The following ATG4C variants were observed in gnomAD, a reference collection of about 807,000 sequenced individuals.
ATG4C encodes the protein cysteine protease ATG4C.
In ATG4C, 56 loss-of-function variants were observed where a neutral mutation model predicts 57.6. That is an observed-to-expected ratio of 0.97 (90% CI 0.78 to 1.21). ATG4C has a LOEUF of 1.21. Ranked by LOEUF, ATG4C falls within the 50% of genes most tolerant of loss-of-function variation. The pLI is 0.00. For missense variants in ATG4C, 595 were observed against 529.8 expected (o/e 1.12, Z -1.21); for synonymous variants, 157 against 174.1 (o/e 0.90, Z 0.78).
intron 1 of ATG4C, among the ~76,000 whole-genome samples, chr1:62,785,751 A>G (rs190421296): frequency 3.4e-4 from 52 of 152,312 alleles, no homozygotes; most frequent in Non-Finnish European, 6.3e-4. Context: ...AGTAAAATAT[A>G]AATATTAATA....
Position 62,838,354 on chromosome 1 carries a change from A to G in ATG4C, c.1090-3074A>G, listed in dbSNP as rs575838933. On this transcript the variant is annotated intron_variant, in intron 9 of 10. Transcript: ENST00000317868. ...AAAAAAATCTTAAGTGCATAGCTCA[A>G]AAATTATCACGAAGTGAACATAGCC... is the stretch of plus-strand genomic sequence containing the variant. 2.6e-5 allele frequency among the ~76,000 whole-genome samples: 4 copies of G among 152,342 alleles called. No homozygotes were observed. In the South Asian group the frequency reaches 8.3e-4, roughly 32 times the overall value.
At chr1:62,822,446 G>A (rs1421747212) in intron 6 of ATG4C, among the ~76,000 whole-genome samples, 1 of 152,132 alleles carries the variant, frequency 6.6e-6, no homozygotes, top group Non-Finnish European at 1.5e-5. Context: ...GCCTAAGGAT[G>A]TACCTAAACA....
chr1:62,792,958 C>T (rs1664330299), intron 1 of ATG4C, among the ~76,000 whole-genome samples: 1 of 151,144 alleles, frequency 6.6e-6, no homozygotes, highest in Non-Finnish European at 1.5e-5. Context: ...GCGATGTCGG[C>T]TCACTGCAAG....
At chr1:62,793,035 T>A (rs374532940) in intron 1 of ATG4C, among the ~76,000 whole-genome samples, 2 of 151,350 alleles carry the variant, frequency 1.3e-5, no homozygotes, top group East Asian at 4.0e-4. Context: ...TACAGGCGCC[T>A]GCCACCACGC....
chr1:62,812,961 G>T (rs1020660323), intron 3 of ATG4C, among the ~76,000 whole-genome samples: 1 of 152,010 alleles, frequency 6.6e-6, no homozygotes, highest in Non-Finnish European at 1.5e-5. Context: ...GCTGCTCAAG[G>T]GAATAAAAGA....
intron 1 of ATG4C, among the ~76,000 whole-genome samples, chr1:62,800,441 G>A (rs1181352687): frequency 6.6e-6 from 1 of 152,002 alleles, no homozygotes; most frequent in East Asian, 1.9e-4. Context: ...CCCCTTCGCT[G>A]TCCCTGCGCT....
At chr1:62,834,206 C>A in intron 8 of ATG4C, 90 bp downstream of exon 8, 1 of 1,192,884 alleles carries the variant, frequency 8.4e-7, no homozygotes, top group Non-Finnish European at 1.2e-6. Flanking sequence ...GGATGATTAA[C>A]AGAGCAAAAC....
rs191497545 is a variant in ATG4C, at chr1:62,864,795, A to T, written c.*636A>T. On this transcript the variant is annotated 3_prime_UTR_variant, in exon 11 of 11. Transcript: ENST00000317868. ...ATATAAAGTATTGGTTTTCCCTCAC[A>T]AATTTAAAGATTATGTTATTAATAC... 2 of 152,088 alleles carry T rather than the reference A, an allele frequency of 1.3e-5. No homozygotes were observed. Among genetic ancestry groups the T allele is most frequent in the East Asian group, 3.9e-4 (2 of 5,192 alleles). 9.4% of individuals were successfully genotyped at this position (152,088 alleles called of 1,614,324 possible).
At chr1:62,809,107 A>T (rs947456784) in intron 3 of ATG4C, among the ~76,000 whole-genome samples, 1 of 151,648 alleles carries the variant, frequency 6.6e-6, no homozygotes, top group East Asian at 1.9e-4. Context: ...TTAATTTTTT[A>T]TTTTTATTTT....
intron 1 of ATG4C, among the ~76,000 whole-genome samples, chr1:62,788,644 T>C (rs1345339741): frequency 4.6e-5 from 7 of 152,218 alleles, no homozygotes. Context: ...TATTCAACAA[T>C]TAGATTTTTC....
At chr1:62,822,627 C>T (rs1665518727) in intron 6 of ATG4C, among the ~76,000 whole-genome samples, 1 of 152,042 alleles carries the variant, frequency 6.6e-6, no homozygotes, top group African/African-American at 2.4e-5. Context: ...TTTAAGACTC[C>T]TAAAGGGAGA....
At chr1:62,814,906 A>T (rs1209718069) in intron 3 of ATG4C, among the ~76,000 whole-genome samples, 2 of 152,114 alleles carry the variant, frequency 1.3e-5, no homozygotes, top group Non-Finnish European at 2.9e-5. Context: ...CTCAACTAAA[A>T]ATACAAAAAT....
chr1:62,843,394 ACT>A (rs1666231005), intron 10 of ATG4C, among the ~76,000 whole-genome samples: 1 of 152,040 alleles, frequency 6.6e-6, no homozygotes, highest in Non-Finnish European at 1.5e-5. Flanking sequence ...AGTATCAAAA[ACT>A]CACCATGTCA....
chr1:62,818,115 G>A (rs558131096), intron 4 of ATG4C, among the ~76,000 whole-genome samples: 1 of 152,180 alleles, frequency 6.6e-6, no homozygotes, highest in South Asian at 2.1e-4. Flanking sequence ...TTTGGGGATT[G>A]TCTTGTTATT....
At chr1:62,847,054 G>A (rs947733576) in intron 10 of ATG4C, among the ~76,000 whole-genome samples, 1 of 152,122 alleles carries the variant, frequency 6.6e-6, no homozygotes, top group Non-Finnish European at 1.5e-5. Flanking sequence ...GTGTGTGCCT[G>A]TAGTCCCAGC....
intron 10 of ATG4C, among the ~76,000 whole-genome samples, chr1:62,842,390 C>T (rs1243228881): frequency 6.6e-6 from 1 of 151,330 alleles, no homozygotes; most frequent in Non-Finnish European, 1.5e-5. Context: ...CAACCCCTGC[C>T]TCCCAGATTC....
chr1:62,822,342 A>G (rs1665508605), intron 6 of ATG4C, among the ~76,000 whole-genome samples: 1 of 152,182 alleles, frequency 6.6e-6, no homozygotes, highest in African/African-American at 2.4e-5. Context: ...GAAAAGGTCT[A>G]AATTTTCAGA....
intron 10 of ATG4C, among the ~76,000 whole-genome samples, chr1:62,849,514 T>C (rs1022894020): frequency 1.3e-5 from 2 of 152,050 alleles, no homozygotes; most frequent in African/African-American, 4.8e-5. Context: ...TATCATACTT[T>C]ATCTTTTTTT....
intron 6 of ATG4C, among the ~76,000 whole-genome samples, chr1:62,827,268 A>G (rs184068930): frequency 1.3e-5 from 2 of 152,266 alleles, no homozygotes; most frequent in Admixed American, 6.5e-5. Context: ...ACTTCCCTCC[A>G]GAAGACTGGC....
Sources: gnomAD v4.1 joint callset for allele counts (sites outside exome capture counted in the v4.1 genomes callset) on GRCh38, gnomAD v4.1.1 for gene constraint, MANE v1.5 for transcripts, NCBI Gene and HGNC (gene_info 2026-07-23, HGNC 2026-07-21) for gene names.